SLC35F2: variants seen among roughly 807,000 people sequenced by gnomAD.
The protein encoded by SLC35F2 is solute carrier family 35 member F2, also known as queuine/queuosine transporter SLC35F2.
SLC35F2 carries 25 observed loss-of-function variants against 38.1 expected under a neutral mutation model. The ratio of observed to expected loss-of-function variants is 0.66; its 90% confidence interval spans 0.48 to 0.92. The LOEUF (loss-of-function observed/expected upper bound fraction) is 0.92, where lower values mean the gene tolerates loss of function less well. SLC35F2 is among the 40% of genes least tolerant of loss of function. The probability of loss-of-function intolerance (pLI) is 0.00; values close to 1 mark genes in which losing one functional copy is unlikely to be tolerated. For synonymous variants in SLC35F2, 173 were observed against 181.7 expected (o/e 0.95, Z 0.38); for missense variants, 409 against 452.9 (o/e 0.90, Z 0.88).
At chr11:107,852,874 CA>C (rs11385907) in intron 1 of SLC35F2, among the ~76,000 whole-genome samples, 59,193 of 120,914 alleles carry the variant, frequency 0.49, 12,762 homozygotes, top group South Asian at 0.54. Context: ...GACTCCATCT[CA>C]AAAAAAAAAA....
chr11:107,810,644 C>T (rs1023921114), intron 3 of SLC35F2: 1 of 985,184 alleles, frequency 1.0e-6, no homozygotes, highest in Admixed American at 6.2e-5. Context: ...TAAATCATTT[C>T]CTATCTCAGC....
chr11:107,848,196 A>T (rs957421216), intron 1 of SLC35F2, among the ~76,000 whole-genome samples: 3 of 152,186 alleles, frequency 2.0e-5, no homozygotes, highest in African/African-American at 4.8e-5. Context: ...AAAATGGTAC[A>T]TTTTATGTTA....
chr11:107,854,639 T>C (rs534316010), intron 1 of SLC35F2, among the ~76,000 whole-genome samples: 3 of 152,250 alleles, frequency 2.0e-5, no homozygotes, highest in Admixed American at 6.5e-5. Flanking sequence ...TAAACTTTTA[T>C]TGAATGAGTG....
intron 4 of SLC35F2, 175 bp downstream of exon 4, chr11:107,806,542 C>T (rs1859393190): frequency 1.6e-6 from 1 of 616,572 alleles, no homozygotes; most frequent in East Asian, 3.0e-5. Flanking sequence ...ATTCATAGAC[C>T]TCAATTAGAT....
At chr11:107,857,929 G>T (rs1327159007) in intron 1 of SLC35F2, among the ~76,000 whole-genome samples, 2 of 152,206 alleles carry the variant, frequency 1.3e-5, no homozygotes, top group African/African-American at 2.4e-5. Flanking sequence ...CACAGAGCGA[G>T]TGCCCAATAA....
At chr11:107,804,791 C>T (rs1859367961) in intron 5 of SLC35F2, 21 bp from the exon 6 acceptor site, 1 of 1,586,026 alleles carries the variant, frequency 6.3e-7, no homozygotes, top group African/African-American at 1.4e-5. Flanking sequence ...AACAAGAGGT[C>T]ACAGAGAGGT....
At chr11:107,825,198 A>C (rs186932368) in intron 1 of SLC35F2, among the ~76,000 whole-genome samples, 1 of 152,122 alleles carries the variant, frequency 6.6e-6, no homozygotes, top group East Asian at 1.9e-4. Flanking sequence ...ATTCATTTTC[A>C]TTTAAATAAC....
intron 1 of SLC35F2, among the ~76,000 whole-genome samples, chr11:107,822,085 CA>C (rs897975303): frequency 6.6e-6 from 1 of 151,858 alleles, no homozygotes; most frequent in East Asian, 1.9e-4. Flanking sequence ...TGGAAAAATA[CA>C]AAAAAAATTA....
intron 1 of SLC35F2, among the ~76,000 whole-genome samples, chr11:107,844,562 C>A: frequency 6.6e-6 from 1 of 151,468 alleles, no homozygotes. Flanking sequence ...GCGGAAGTTG[C>A]AGTGAACTGA....
intron 1 of SLC35F2, among the ~76,000 whole-genome samples, chr11:107,824,671 A>G (rs1478673247): frequency 2.6e-5 from 4 of 152,210 alleles, no homozygotes; most frequent in Non-Finnish European, 4.4e-5. Flanking sequence ...TTTTTAAGTG[A>G]GTGTAATACC....
intron 1 of SLC35F2, among the ~76,000 whole-genome samples, chr11:107,825,441 G>A (rs61248206): frequency 0.029 from 4,310 of 149,148 alleles, 204 homozygotes; most frequent in African/African-American, 0.099. Context: ...GCACGATCGC[G>A]GCTCACCGCA....
rs1279705882 is a variant in SLC35F2, at chr11:107,806,741, G to C, written c.550C>G (p.Leu184Val). Residue 184 changes from leucine to valine, a missense_variant, in exon 4 of 8, where the codon CTA becomes GTA. By Grantham distance (32) the Leu-to-Val change is conservative (BLOSUM62 1). Coordinates refer to ENST00000525815, the MANE Select transcript of SLC35F2 (RefSeq NM_017515.5). Reference sequence around the variant, plus strand: ...CCTGAATTGTCTTCCCTCCCTGCTAGTATGTCTGCACCAACCATGGTTCCT... The same window carrying C: ...CCTGAATTGTCTTCCCTCCCTGCTACTATGTCTGCACCAACCATGGTTCCT... ...GVGTMVGADI[L>V]AGREDNSGSD... 1.2e-6 allele frequency: 2 copies of C among 1,614,058 alleles called. No individual in the cohort carries two copies. Among genetic ancestry groups the C allele is most frequent in the Non-Finnish European group, 1.7e-6 (2 of 1,179,960 alleles).
intron 1 of SLC35F2, among the ~76,000 whole-genome samples, chr11:107,824,835 G>A (rs529583669): frequency 6.6e-6 from 1 of 152,104 alleles, no homozygotes; most frequent in African/African-American, 2.4e-5. Context: ...TTCTATATAT[G>A]CACCATCCAA....
intron 1 of SLC35F2, among the ~76,000 whole-genome samples, chr11:107,817,556 C>A (rs1307935794): frequency 6.6e-6 from 1 of 152,086 alleles, no homozygotes; most frequent in Non-Finnish European, 1.5e-5. Context: ...ATGTCTAAAA[C>A]CTTTCGGTGG....
At position 107,803,047 on chromosome 11, in the gene SLC35F2, G is replaced by A. The variant is rs181332847; in HGVS notation, c.893C>T (p.Ala298Val). 15 of 1,613,908 alleles carry A rather than the reference G, an allele frequency of 9.3e-6. No homozygotes were observed. Among genetic ancestry groups the A allele is most frequent in the Admixed American group, 3.3e-5 (2 of 59,978 alleles). ...ATSVNLGILTADLYSLFVGLF... is the reference protein window; with the variant it reads ...ATSVNLGILTVDLYSLFVGLF... ...TCCAACAAAAAGGCTGTAGAGGTCCGCTGTCAGGATGCCCAGGTTGACGGA... is the reference window on the plus strand; with the variant it reads ...TCCAACAAAAAGGCTGTAGAGGTCCACTGTCAGGATGCCCAGGTTGACGGA... The change falls in exon 7 of 8, where the codon GCG (alanine) becomes GTG (valine). Residue 298 changes from alanine (A) to valine (V), a missense_variant. Transcript: ENST00000525815.
chr11:107,857,593 T>C (rs1860313536), intron 1 of SLC35F2, among the ~76,000 whole-genome samples: 1 of 152,242 alleles, frequency 6.6e-6, no homozygotes, highest in Non-Finnish European at 1.5e-5. Context: ...ACTATTTATA[T>C]GATAAAAAAT....
intron 1 of SLC35F2, among the ~76,000 whole-genome samples, chr11:107,853,140 T>C (rs946222480): frequency 2.0e-5 from 3 of 152,146 alleles, no homozygotes; most frequent in African/African-American, 4.8e-5. Context: ...AAGCCTAGAC[T>C]ACCCTTCCTC....
intron 1 of SLC35F2, 40 bp downstream of exon 1, chr11:107,858,618 C>A: frequency 8.0e-7 from 1 of 1,257,808 alleles, no homozygotes. Flanking sequence ...GCAGCCGCCC[C>A]CACGCCCCAG....
At chr11:107,795,704 T>A (rs1384361220) in intron 7 of SLC35F2, among the ~76,000 whole-genome samples, 1 of 152,068 alleles carries the variant, frequency 6.6e-6, no homozygotes, top group Non-Finnish European at 1.5e-5. Context: ...GGCCAACAGG[T>A]ATATGAAAAA....
Sources: allele counts gnomAD v4.1 joint callset (sites outside exome capture counted in the v4.1 genomes callset), GRCh38; gene constraint gnomAD v4.1.1; transcripts MANE v1.5; gene names NCBI Gene and HGNC (gene_info 2026-07-23, HGNC 2026-07-21).